SDK1: variants seen among roughly 807,000 people sequenced by gnomAD.
SDK1 encodes sidekick cell adhesion molecule 1, also known as protein sidekick-1.
Under a neutral mutation model 245.5 loss-of-function variants are expected in SDK1, and 157 were observed. That is an observed-to-expected ratio of 0.64 (90% CI 0.56 to 0.73). SDK1 has a LOEUF of 0.73. Ranked by LOEUF, SDK1 falls within the 30% of genes least tolerant of loss-of-function variation. The probability of loss-of-function intolerance (pLI) is 0.00; values close to 1 mark genes in which losing one functional copy is unlikely to be tolerated. For synonymous variants in SDK1, 1,647 were observed against 1,278.5 expected (o/e 1.29, Z -6.15); for missense variants, 3,583 against 3,002.3 (o/e 1.19, Z -4.52).
At chr7:3,992,378 G>C (rs1784394100) in intron 14 of SDK1, among the ~76,000 whole-genome samples, 1 of 152,180 alleles carries the variant, frequency 6.6e-6, no homozygotes, top group Admixed American at 6.5e-5. Flanking sequence ...TGTCCCAGGT[G>C]CCTGTTTAGT....
At chr7:3,888,660 T>C (rs995909682) in intron 5 of SDK1, among the ~76,000 whole-genome samples, 1 of 152,210 alleles carries the variant, frequency 6.6e-6, no homozygotes, top group African/African-American at 2.4e-5. Flanking sequence ...TCTTATAATT[T>C]AGTACAGATC....
At chr7:3,908,658 AATT>A (rs1252972278) in intron 5 of SDK1, among the ~76,000 whole-genome samples, 1 of 152,058 alleles carries the variant, frequency 6.6e-6, no homozygotes, top group Non-Finnish European at 1.5e-5. Context: ...CTATCCTGAT[AATT>A]GTCTTTTCCT....
intron 28 of SDK1, among the ~76,000 whole-genome samples, chr7:4,134,208 A>G (rs1308096644): frequency 6.6e-6 from 1 of 152,116 alleles, no homozygotes; most frequent in African/African-American, 2.4e-5. Context: ...CTCTTTCTTT[A>G]TGTGATTTCT....
At chr7:3,465,813 G>C (rs1334751442) in intron 1 of SDK1, among the ~76,000 whole-genome samples, 1 of 152,164 alleles carries the variant, frequency 6.6e-6, no homozygotes, top group Non-Finnish European at 1.5e-5. Flanking sequence ...ACTTTAGGGA[G>C]TCACCTTTTG....
At chr7:3,533,335 C>T (rs1488946064) in intron 1 of SDK1, among the ~76,000 whole-genome samples, 7 of 152,078 alleles carry the variant, frequency 4.6e-5, no homozygotes, top group East Asian at 1.9e-4. Flanking sequence ...TAAAAAGACT[C>T]GCTGATAAAG....
chr7:3,482,891 A>G (rs1010202476), intron 1 of SDK1, among the ~76,000 whole-genome samples: 2 of 152,240 alleles, frequency 1.3e-5, no homozygotes, highest in Admixed American at 6.5e-5. Context: ...AAATTGCCTG[A>G]CACGTAATAA....
chr7:3,787,676 C>G (rs1454104772), intron 4 of SDK1, among the ~76,000 whole-genome samples: 1 of 152,148 alleles, frequency 6.6e-6, no homozygotes, highest in African/African-American at 2.4e-5. Flanking sequence ...CCTGTCCTTT[C>G]CTTATAAAAT....
intron 1 of SDK1, among the ~76,000 whole-genome samples, chr7:3,395,970 T>C (rs1781886326): frequency 6.6e-6 from 1 of 151,880 alleles, no homozygotes; most frequent in South Asian, 2.1e-4. Context: ...TCTCCTGTCA[T>C]CTTTATTTTC....
intron 4 of SDK1, among the ~76,000 whole-genome samples, chr7:3,672,796 A>ATATATATATATATATAAAT: frequency 1.9e-5 from 1 of 53,414 alleles, no homozygotes; most frequent in East Asian, 6.3e-4. Flanking sequence ...TATATATATA[A>ATATATATATATATATAAAT]AAAATACAGA....
Position 3,675,628 on chromosome 7 carries a change from T to C in SDK1, c.713+33523T>C, listed in dbSNP as rs1783868690. On this transcript the variant is annotated intron_variant, in intron 4 of 44. Coordinates refer to ENST00000404826, the MANE Select transcript of SDK1 (RefSeq NM_152744.4). ...TTGTTCTGTCACCCAGGCTGGAGTA[T>C]AGTAGCATGGTCATAGCTCACTGCG... 7.9e-5 allele frequency among the ~76,000 whole-genome samples: 12 copies of C among 152,126 alleles called. 1 individual carries two copies. The South Asian group carries it at 2.5e-3, about 32-fold the overall frequency.
intron 14 of SDK1, among the ~76,000 whole-genome samples, chr7:3,991,417 G>C (rs1339611293): frequency 6.6e-6 from 1 of 152,130 alleles, no homozygotes; most frequent in Non-Finnish European, 1.5e-5. Flanking sequence ...TGTTCTACAT[G>C]CTTCCCTTTG....
chr7:4,197,272 G>C (rs1204057323), intron 35 of SDK1, among the ~76,000 whole-genome samples: 2 of 151,108 alleles, frequency 1.3e-5, no homozygotes, highest in Non-Finnish European at 2.9e-5. Flanking sequence ...AGACCAGCCT[G>C]AGCAATGTAG....
chr7:4,168,131 T>G (rs1025809146), intron 32 of SDK1, among the ~76,000 whole-genome samples: 5 of 152,092 alleles, frequency 3.3e-5, no homozygotes, highest in Admixed American at 2.0e-4. Flanking sequence ...TAAGTGACGC[T>G]CCCACTGGGA....
At chr7:3,315,997 A>G (rs1779654740) in intron 1 of SDK1, among the ~76,000 whole-genome samples, 1 of 152,204 alleles carries the variant, frequency 6.6e-6, no homozygotes, top group Non-Finnish European at 1.5e-5. Flanking sequence ...ATTTCTGGTT[A>G]GTGCTGTTTA....
At chr7:3,794,568 T>C (rs1271730208) in intron 4 of SDK1, among the ~76,000 whole-genome samples, 1 of 152,076 alleles carries the variant, frequency 6.6e-6, no homozygotes, top group Non-Finnish European at 1.5e-5. Context: ...ACCAATGGCT[T>C]TGTAAGAAGA....
intron 1 of SDK1, among the ~76,000 whole-genome samples, chr7:3,507,744 C>G (rs1396364067): frequency 6.6e-6 from 1 of 152,082 alleles, no homozygotes; most frequent in Non-Finnish European, 1.5e-5. Context: ...CAAATTTTTC[C>G]TTCAGTGCGG....
At chr7:3,918,851 T>A (rs994132524) in intron 5 of SDK1, among the ~76,000 whole-genome samples, 6 of 152,278 alleles carry the variant, frequency 3.9e-5, no homozygotes, top group Admixed American at 3.9e-4. Flanking sequence ...GTTTCCCACA[T>A]ACATGGCTTC....
intron 1 of SDK1, among the ~76,000 whole-genome samples, chr7:3,396,248 G>GGT (rs1441228697): frequency 2.6e-5 from 4 of 151,456 alleles, no homozygotes; most frequent in Middle Eastern, 6.8e-3. Context: ...CATTATTGTT[G>GGT]GTAAATATAC....
At chr7:3,795,338 C>A (rs1409883007) in intron 4 of SDK1, among the ~76,000 whole-genome samples, 1 of 152,092 alleles carries the variant, frequency 6.6e-6, no homozygotes, top group African/African-American at 2.4e-5. Flanking sequence ...CCCCACGAGA[C>A]TTGGCTTTCA....
Sources: allele counts gnomAD v4.1 joint callset (sites outside exome capture counted in the v4.1 genomes callset), GRCh38; gene constraint gnomAD v4.1.1; transcripts MANE v1.5; gene names NCBI Gene and HGNC (gene_info 2026-07-23, HGNC 2026-07-21).